The following VPS26A variants were observed in gnomAD, a reference collection of about 807,000 sequenced individuals.
VPS26A encodes VPS26 retromer complex component A.
VPS26A carries 22 observed loss-of-function variants against 42.4 expected under a neutral mutation model. The ratio of observed to expected loss-of-function variants is 0.52; its 90% CI spans 0.37 to 0.74. The LOEUF (loss-of-function observed/expected upper bound fraction) is 0.74. Ranked by LOEUF, VPS26A falls within the 30% of genes least tolerant of loss-of-function variation. The pLI is 0.00. For missense variants in VPS26A, 276 were observed against 379.2 expected, an observed-to-expected ratio of 0.73 and a Z score of 2.26; for synonymous variants, 110 against 123.5, an observed-to-expected ratio of 0.89 and a Z score of 0.73.
At chr10:69,142,182 CTT>C (rs143922304) in intron 2 of VPS26A, among the ~76,000 whole-genome samples, 4,527 of 84,804 alleles carry the variant, frequency 0.053, 287 homozygotes, top group African/African-American at 0.2. Context: ...CATACCAGGC[CTT>C]TTTTTTTTTT....
At chr10:69,150,624 C>G (rs906742202) in intron 2 of VPS26A, among the ~76,000 whole-genome samples, 3 of 145,548 alleles carry the variant, frequency 2.1e-5, no homozygotes, top group Non-Finnish European at 4.5e-5. Flanking sequence ...GTCTAGATCT[C>G]CTGACCTCAT....
At chr10:69,130,787 G>C (rs1278386576) in intron 1 of VPS26A, among the ~76,000 whole-genome samples, 1 of 152,144 alleles carries the variant, frequency 6.6e-6, no homozygotes, top group Non-Finnish European at 1.5e-5. Flanking sequence ...CGTACGTTTT[G>C]TGTATTCCTT....
chr10:69,141,892 CT>C (rs913801354), intron 2 of VPS26A, among the ~76,000 whole-genome samples: 7 of 148,806 alleles, frequency 4.7e-5, no homozygotes, highest in Middle Eastern at 3.5e-3. Context: ...AATGATTCCT[CT>C]TTTTTTTTTG....
chr10:69,167,673 G>A (rs1435227985), intron 7 of VPS26A, among the ~76,000 whole-genome samples: 1 of 150,360 alleles, frequency 6.7e-6, no homozygotes, highest in Non-Finnish European at 1.5e-5. Flanking sequence ...AACCCAGGAG[G>A]TGGAGGTTGC....
chr10:69,124,571 C>A (rs931893967), intron 1 of VPS26A, among the ~76,000 whole-genome samples: 3 of 152,152 alleles, frequency 2.0e-5, no homozygotes, highest in African/African-American at 7.2e-5. Flanking sequence ...GGGACTCGGA[C>A]CCCGCCTCTG....
chr10:69,125,633 AT>A (rs1184976882), intron 1 of VPS26A, among the ~76,000 whole-genome samples: 8 of 152,216 alleles, frequency 5.3e-5, no homozygotes, highest in Non-Finnish European at 1.2e-4. Flanking sequence ...TTTTTGAATT[AT>A]GTTCAAGAGC....
At chr10:69,142,835 TAACTAG>T (rs1841073523) in intron 2 of VPS26A, among the ~76,000 whole-genome samples, 1 of 151,718 alleles carries the variant, frequency 6.6e-6, no homozygotes. Context: ...AAAAATAAAC[TAACTAG>T]TTTTCAAACA....
At chr10:69,156,943 A>G (rs779958647) in intron 3 of VPS26A, 64 bp from the exon 4 acceptor site, 9 of 1,435,136 alleles carry the variant, frequency 6.3e-6, no homozygotes, top group African/African-American at 1.4e-5. Flanking sequence ...TTTGAAGTAG[A>G]TGTCTGGGTT....
chr10:69,142,486 G>T (rs1339627596), intron 2 of VPS26A, among the ~76,000 whole-genome samples: 4 of 151,978 alleles, frequency 2.6e-5, no homozygotes, highest in African/African-American at 9.7e-5. Flanking sequence ...GAGCCACTGT[G>T]CCTGGCCAAG....
chr10:69,137,489 G>T (rs938788305), intron 2 of VPS26A, among the ~76,000 whole-genome samples: 8 of 152,138 alleles, frequency 5.3e-5, no homozygotes, highest in South Asian at 2.1e-4. Context: ...TAGGCTGTCT[G>T]TTCCTATAGG....
Position 69,142,823 on chromosome 10 carries a change from T to C in VPS26A, c.153+9776T>C, listed in dbSNP as rs572807908. Among the ~76,000 whole-genome samples, 8 of 151,886 alleles carry C rather than the reference T, an allele frequency of 5.3e-5. No homozygotes were observed. The South Asian group carries it at 1.7e-3, about 32-fold the overall frequency. ...GAAAGCTTTGTTATGGTTAAGAAGA[T>C]TAAAAATAAACTAACTAGTTTTCAA... is the stretch of plus-strand genomic sequence containing the variant. On this transcript the variant is annotated intron_variant, in intron 2 of 8. Coordinates refer to ENST00000263559, the MANE Select transcript of VPS26A (RefSeq NM_004896.5).
At chr10:69,154,773 G>A (rs995965003) in intron 2 of VPS26A, among the ~76,000 whole-genome samples, 1 of 152,188 alleles carries the variant, frequency 6.6e-6, no homozygotes, top group African/African-American at 2.4e-5. Flanking sequence ...GCTGAGGCAG[G>A]AGGATCACTT....
At chr10:69,160,946 G>A (rs1841548201) in intron 5 of VPS26A, among the ~76,000 whole-genome samples, 1 of 152,120 alleles carries the variant, frequency 6.6e-6, no homozygotes, top group Admixed American at 6.6e-5. Context: ...TTGTCTTTGT[G>A]GGCAGATGAT....
At chr10:69,144,388 A>C (rs1211481030) in intron 2 of VPS26A, among the ~76,000 whole-genome samples, 1 of 152,096 alleles carries the variant, frequency 6.6e-6, no homozygotes, top group Non-Finnish European at 1.5e-5. Flanking sequence ...CACCCTAAAA[A>C]TTCCCTGTGT....
intron 2 of VPS26A, among the ~76,000 whole-genome samples, chr10:69,148,746 C>G (rs1413799034): frequency 1.3e-5 from 2 of 148,950 alleles, no homozygotes; most frequent in Non-Finnish European, 3.0e-5. Flanking sequence ...TTTGTTGGAG[C>G]AGAGAGTATT....
chr10:69,133,313 A>C (rs1243020816), intron 2 of VPS26A, among the ~76,000 whole-genome samples: 3 of 152,152 alleles, frequency 2.0e-5, no homozygotes, highest in African/African-American at 7.2e-5. Flanking sequence ...CATGAAAAAA[A>C]AAATATTTTT....
intron 5 of VPS26A, among the ~76,000 whole-genome samples, chr10:69,159,097 G>A (rs984849781): frequency 6.6e-6 from 1 of 152,110 alleles, no homozygotes; most frequent in Admixed American, 6.6e-5. Context: ...GATTGAGGCC[G>A]GGTGCGGTGG....
chr10:69,161,884 G>A, intron 5 of VPS26A: 1 of 227,914 alleles, frequency 4.4e-6, no homozygotes, highest in Non-Finnish European at 9.1e-6. Flanking sequence ...TATACCTCCA[G>A]CAGCAATGCC....
At chr10:69,170,171 A>T (rs139326420) in intron 8 of VPS26A, 80 of 152,348 alleles carry the variant, frequency 5.3e-4, no homozygotes, top group African/African-American at 1.9e-3. Context: ...CACATTGTAG[A>T]TATCTGGGAA....
Sources: gnomAD v4.1 joint callset for allele counts (sites outside exome capture counted in the v4.1 genomes callset) on GRCh38, gnomAD v4.1.1 for gene constraint, MANE v1.5 for transcripts, NCBI Gene and HGNC (gene_info 2026-07-23, HGNC 2026-07-21) for gene names.